Variants in PEAR1 observed in about 807,000 individuals in gnomAD.
PEAR1 encodes platelet endothelial aggregation receptor 1.
Under a neutral mutation model 131.2 loss-of-function variants are expected in PEAR1, and 113 were observed. The ratio of observed to expected loss-of-function variants is 0.86; its 90% CI spans 0.74 to 1.01. PEAR1 has a LOEUF of 1.01. Among genes scored for constraint, PEAR1 ranks in the 50% least tolerant of loss-of-function variants. PEAR1 has a pLI of 0.00. For synonymous variants in PEAR1, 565 were observed against 523.3 expected (o/e 1.08, Z -1.09); for missense variants, 1,408 against 1,391.1 (o/e 1.01, Z -0.19).
chr1:156,895,297 G>T (rs2102952531), intron 1 of PEAR1, among the ~76,000 whole-genome samples: 1 of 152,346 alleles, frequency 6.6e-6, no homozygotes, highest in South Asian at 2.1e-4. Flanking sequence ...GAGAGAGATA[G>T]AAGGTCATGG....
At position 156,910,368 on chromosome 1, in the gene PEAR1, T is replaced by C. The variant is rs1418974076; in HGVS notation, c.1813T>C (p.Ser605Pro). The part of the protein sequence containing the change: ...CVCAPGFRGP[S>P]CQRSCQPGRY... ...GTGTGCACCCGGATTCCGGGGCCCCTCCTGCCAGAGATGTGAGGCTCCCTA... is the reference window on the plus strand; with the variant it reads ...GTGTGCACCCGGATTCCGGGGCCCCCCCTGCCAGAGATGTGAGGCTCCCTA... Residue 605 changes from serine (S) to proline (P), a missense_variant, in exon 14 of 23, where the codon TCC (serine) becomes CCC (proline). Ser to Pro is a moderately conservative substitution (Grantham distance 74, BLOSUM62 -1). Coordinates refer to ENST00000292357, the MANE Select transcript of PEAR1 (RefSeq NM_001080471.3). 1.3e-6 allele frequency: 2 copies of C among 1,597,706 alleles called. No homozygotes were observed. The highest frequency in any genetic ancestry group is 1.1e-5 in the South Asian group (1 of 87,902).
chr1:156,908,472 G>A lies in PEAR1; in HGVS notation c.1115+132G>A, dbSNP rs1349848214. 1 of 1,248,072 alleles carries A rather than the reference G, an allele frequency of 8.0e-7. No homozygotes were observed. Among genetic ancestry groups the A allele is most frequent in the Non-Finnish European group, 1.1e-6 (1 of 929,176 alleles). The allele number at this position is 1,248,072 out of a possible 1,614,324, so 77.3% of individuals were successfully genotyped here. A position where few individuals can be genotyped will look rare whatever the true frequency, so the allele number is the denominator to read the frequency against. On this transcript the variant is annotated intron_variant, in intron 9 of 22. Transcript: ENST00000292357. This position sits in a 1 kb window ranked among gnomAD's most constrained non-coding sequence, Gnocchi z 4.2. The stretch of plus-strand genomic sequence containing the variant: ...AGAAGGGGAAAGGGAGGGACCTCAG[G>A]GGCCGGGAGGGGCCTGGGGTACCGC...
intron 1 of PEAR1, among the ~76,000 whole-genome samples, chr1:156,901,716 G>A (rs1447182326): frequency 6.6e-6 from 1 of 152,180 alleles, no homozygotes; most frequent in Non-Finnish European, 1.5e-5. Flanking sequence ...TGTGGAGACC[G>A]AGAGATGAGG....
chr1:156,914,211 G>T (rs1329180492), intron 22 of PEAR1, 111 bp downstream of exon 22: 1 of 1,432,544 alleles, frequency 7.0e-7, no homozygotes, highest in Non-Finnish European at 9.2e-7. Flanking sequence ...TCAAGAGTGA[G>T]GCCTTTGGGG....
In PEAR1 at chr1:156,912,545, G is replaced by T. The variant is rs1239993507; in HGVS notation, c.2132G>T (p.Gly711Val). 6.2e-7 allele frequency: 1 copy of T among 1,614,102 alleles called. No individual in the cohort carries two copies. Among genetic ancestry groups the T allele is most frequent in the South Asian group, 1.1e-5 (1 of 91,086 alleles). Residue 711 changes from glycine to valine, a missense_variant, in exon 17 of 23, where the codon GGT becomes GTT. Transcript: ENST00000292357. ...GANCSQPCQC[G>V]PGEKCHPETG... ...AACTGCTCCCAGCCATGCCAGTGTG[G>T]TCCTGGAGAAAAGTGCCACCCAGAG... is the stretch of plus-strand genomic sequence containing the variant.
At chr1:156,911,131 CTTTCTTTCT>C (rs1228965787) in intron 15 of PEAR1, among the ~76,000 whole-genome samples, 3 of 99,142 alleles carry the variant, frequency 3.0e-5, no homozygotes, top group Admixed American at 2.2e-4. Flanking sequence ...TCTTTCTTTC[CTTTCTTTCT>C]TTTCTTTCTT....
chr1:156,912,398 A>T, intron 16 of PEAR1, 23 bp downstream of exon 16: 1 of 1,608,560 alleles, frequency 6.2e-7, no homozygotes, highest in South Asian at 1.1e-5. Context: ...GGGGAACTCC[A>T]GGCCCCTGCC....
Position 156,909,837 on chromosome 1 carries a change from G to A in PEAR1, c.1498G>A (p.Ala500Thr), listed in dbSNP as rs201156993. Reference protein sequence around the residue: ...CNASCQCAHEAVCSPQTGACT... With the variant: ...CNASCQCAHETVCSPQTGACT... ...TGCCAGCTGCCAGTGTGCCCATGAG[G>A]CAGTCTGCAGCCCCCAAACTGGAGC... Residue 500 changes from alanine to threonine, a missense_variant, in exon 12 of 23, where the codon GCA (alanine) becomes ACA (threonine). By Grantham distance (58) the Ala-to-Thr change is moderately conservative. Transcript: ENST00000292357. 16 of 1,613,940 alleles carry A rather than the reference G, an allele frequency of 9.9e-6. No homozygotes were observed. Among genetic ancestry groups the A allele is most frequent in the Middle Eastern group, 1.7e-4 (1 of 6,060 alleles).
chr1:156,913,161 T>A, intron 18 of PEAR1, 33 bp from the exon 19 acceptor site: 3 of 1,597,766 alleles, frequency 1.9e-6, no homozygotes, highest in Non-Finnish European at 1.7e-6. Context: ...TGCCCATCGC[T>A]GAGCTCACCC....
chr1:156,905,497 C>T, intron 4 of PEAR1, 73 bp downstream of exon 4: 2 of 1,313,014 alleles, frequency 1.5e-6, no homozygotes, highest in Non-Finnish European at 2.1e-6. Context: ...TCTTCTGAGT[C>T]CCTCCCGGCC....
intron 1 of PEAR1, among the ~76,000 whole-genome samples, chr1:156,897,915 G>A (rs1183405361): frequency 2.6e-5 from 4 of 152,150 alleles, no homozygotes; most frequent in Non-Finnish European, 5.9e-5. Flanking sequence ...TTCTTGGGGT[G>A]TAGGCAGCCA....
chr1:156,893,892 C>T (rs1648890922), intron 1 of PEAR1, 55 bp downstream of exon 1: 1 of 152,242 alleles, frequency 6.6e-6, no homozygotes, highest in African/African-American at 2.4e-5. Flanking sequence ...GCCCCGGAGA[C>T]CACCCTGCCC....
At chr1:156,906,209 C>A in intron 4 of PEAR1, 67 bp from the exon 5 acceptor site, 1 of 1,460,708 alleles carries the variant, frequency 6.8e-7, no homozygotes, top group South Asian at 1.2e-5. Context: ...TGGGGTTAGG[C>A]TTTGCAGGAT....
Position 156,907,982 on chromosome 1 carries a change from G to A in PEAR1, c.833G>A (p.Cys278Tyr). The change falls in exon 8 of 23, where the codon TGC (cysteine) becomes TAC (tyrosine). Residue 278 changes from cysteine (C) to tyrosine (Y), a missense_variant. Coordinates refer to ENST00000292357, the MANE Select transcript of PEAR1 (RefSeq NM_001080471.3). The part of the protein sequence containing the change: ...HGPNCSQECR[C>Y]HNGGLCDRFT... ...CCCAACTGCTCCCAGGAATGTCGCTGCCACAACGGCGGCCTCTGTGACCGA... is the reference window on the plus strand; with the variant it reads ...CCCAACTGCTCCCAGGAATGTCGCTACCACAACGGCGGCCTCTGTGACCGA... 1 of 1,565,742 alleles carries A rather than the reference G, an allele frequency of 6.4e-7. No individual in the cohort carries two copies. The highest frequency in any genetic ancestry group is 8.7e-7 in the Non-Finnish European group (1 of 1,153,790).
intron 1 of PEAR1, among the ~76,000 whole-genome samples, chr1:156,894,562 G>A (rs549382711): frequency 5.9e-5 from 9 of 152,244 alleles, no homozygotes; most frequent in East Asian, 1.9e-4. Context: ...TTGAGGTCCC[G>A]GGCAACTGGA....
intron 11 of PEAR1, 128 bp from the exon 12 acceptor site, chr1:156,909,623 A>C: frequency 9.9e-7 from 1 of 1,007,208 alleles, no homozygotes; most frequent in Non-Finnish European, 1.4e-6. Flanking sequence ...TTTCTCCTGT[A>C]TGGTGCCGTG....
rs1000417403 is a variant in PEAR1, at chr1:156,896,741, G to A, written c.-10+2904G>A. ...TGTTGGCCCTGGATGGGGAGGCACAGGATGAGGGCTCAGGCGGTGTGGGCA... is the reference window on the plus strand; with the variant it reads ...TGTTGGCCCTGGATGGGGAGGCACAAGATGAGGGCTCAGGCGGTGTGGGCA... On this transcript the variant is annotated intron_variant, in intron 1 of 22. Transcript: ENST00000292357. Among the ~76,000 whole-genome samples, 3 of 152,206 alleles carry A rather than the reference G, an allele frequency of 2.0e-5. No individual in the cohort carries two copies. The East Asian group carries it at 5.8e-4, about 29-fold the overall frequency.
chr1:156,908,858 A>G lies in PEAR1; in HGVS notation c.1290+29A>G. ...AGGCGCGCCCGGCTGCAAGGAAGCGAGGCAGGTGGAGAGGCCAAGGAATGG... is the reference window on the plus strand; with the variant it reads ...AGGCGCGCCCGGCTGCAAGGAAGCGGGGCAGGTGGAGAGGCCAAGGAATGG... On this transcript the variant is annotated intron_variant, in intron 10 of 22. Coordinates refer to ENST00000292357, the MANE Select transcript of PEAR1 (RefSeq NM_001080471.3). The surrounding 1 kb of genome is among the most constrained non-coding windows in gnomAD (Gnocchi z 4.2). 1 of 1,606,658 alleles carries G rather than the reference A, an allele frequency of 6.2e-7. No individual in the cohort carries two copies. Among genetic ancestry groups the G allele is most frequent in the Non-Finnish European group, 8.5e-7 (1 of 1,177,988 alleles).
chr1:156,908,574 C>T lies in PEAR1; in HGVS notation c.1116-81C>T. The T allele has an allele frequency of 7.3e-7, 1 of 1,365,714 alleles. No homozygotes were observed. The highest frequency in any genetic ancestry group is 2.6e-5 in the Admixed American group (1 of 38,844). The allele number at this position is 1,365,714 out of a possible 1,614,324, so 84.6% of individuals were successfully genotyped here. A position where few individuals can be genotyped will look rare whatever the true frequency, so the allele number is the denominator to read the frequency against. Reference sequence around the variant, plus strand: ...CCTTACCCCAGCGATGTGCGAATCCCACTGACCACGCGGAGGGGTCGGGAA... The same window carrying T: ...CCTTACCCCAGCGATGTGCGAATCCTACTGACCACGCGGAGGGGTCGGGAA... On this transcript the variant is annotated intron_variant, in intron 9 of 22. Transcript: ENST00000292357. The surrounding 1 kb of genome is among the most constrained non-coding windows in gnomAD (Gnocchi z 4.2).
Sources: allele counts gnomAD v4.1 joint callset (sites outside exome capture counted in the v4.1 genomes callset), GRCh38; gene constraint gnomAD v4.1.1; non-coding constraint Gnocchi (gnomAD v3.1); transcripts MANE v1.5; gene names NCBI Gene and HGNC (gene_info 2026-07-23, HGNC 2026-07-21).